The following GAS7 variants were observed in gnomAD, a reference collection of about 807,000 sequenced individuals.
The protein encoded by GAS7 is growth arrest specific 7, also known as growth arrest-specific protein 7.
Under a neutral mutation model 71.1 loss-of-function variants are expected in GAS7, and 28 were observed. That is an observed-to-expected ratio of 0.39 (90% CI 0.29 to 0.54). The LOEUF (loss-of-function observed/expected upper bound fraction) is 0.54, where lower values mean the gene tolerates loss of function less well. Among genes scored for constraint, GAS7 ranks in the 20% least tolerant of loss-of-function variants. The probability of loss-of-function intolerance (pLI) is 0.62; values close to 1 mark genes in which losing one functional copy is unlikely to be tolerated. For synonymous variants in GAS7, 258 were observed against 245.8 expected, an observed-to-expected ratio of 1.05 and a Z score of -0.46; for missense variants, 436 against 627.8, an observed-to-expected ratio of 0.69 and a Z score of 3.27.
chr17:10,063,797 A>G (rs1267544279), intron 1 of GAS7, among the ~76,000 whole-genome samples: 1 of 151,916 alleles, frequency 6.6e-6, no homozygotes, highest in Admixed American at 6.6e-5. Flanking sequence ...ACCCTGGGTC[A>G]CCCTCCCTGG....
intron 1 of GAS7, among the ~76,000 whole-genome samples, chr17:10,025,837 T>C (rs941171023): frequency 3.9e-5 from 6 of 152,122 alleles, no homozygotes; most frequent in African/African-American, 1.4e-4. Context: ...AGGCAGCAAC[T>C]GAGAAAAAAC....
intron 1 of GAS7, among the ~76,000 whole-genome samples, chr17:10,160,936 C>CCACA (rs1047217599): frequency 2.9e-4 from 27 of 93,658 alleles, no homozygotes; most frequent in African/African-American, 1.1e-3. Flanking sequence ...GAAATTGAAA[C>CCACA]CATACACACA....
chr17:10,158,612 T>C (rs559781570), intron 1 of GAS7, among the ~76,000 whole-genome samples: 2 of 152,068 alleles, frequency 1.3e-5, no homozygotes, highest in South Asian at 2.1e-4. Flanking sequence ...AAAAATACGA[T>C]TGATGGAAGG....
chr17:10,084,304 T>C (rs1329027496), intron 1 of GAS7, among the ~76,000 whole-genome samples: 2 of 152,164 alleles, frequency 1.3e-5, no homozygotes, highest in Admixed American at 1.3e-4. Flanking sequence ...TTCCCAGTGG[T>C]AGAGTTGTCT....
intron 1 of GAS7, chr17:10,036,657 C>A: frequency 7.0e-7 from 1 of 1,427,144 alleles, no homozygotes. Context: ...TCACAAAGAA[C>A]CCACTACATT....
chr17:10,177,469 C>T (rs570565864), intron 1 of GAS7, among the ~76,000 whole-genome samples: 1 of 152,022 alleles, frequency 6.6e-6, no homozygotes, highest in South Asian at 2.1e-4. Context: ...GCTGCTGACG[C>T]CATGTGTGGG....
At chr17:10,033,570 C>T (rs2072674696) in intron 1 of GAS7, among the ~76,000 whole-genome samples, 1 of 152,180 alleles carries the variant, frequency 6.6e-6, no homozygotes, top group African/African-American at 2.4e-5. Flanking sequence ...GCAAAGCAGC[C>T]CGCTCACCAG....
At chr17:10,017,475 C>T (rs754019464) in intron 2 of GAS7, among the ~76,000 whole-genome samples, 26 of 152,014 alleles carry the variant, frequency 1.7e-4, no homozygotes, top group East Asian at 5.8e-4. Context: ...ACTACAGGCG[C>T]CCGCCACCAC....
chr17:9,975,473 G>C (rs3893089), intron 3 of GAS7, among the ~76,000 whole-genome samples: 68,263 of 148,732 alleles, frequency 0.46, 17,178 homozygotes, highest in African/African-American at 0.67. Context: ...CCTTCCCTTC[G>C]GGCTTCTTTT....
intron 1 of GAS7, among the ~76,000 whole-genome samples, chr17:10,086,111 G>A (rs546021951): frequency 8.7e-4 from 133 of 152,364 alleles, no homozygotes; most frequent in African/African-American, 3.1e-3. Context: ...GAATGGGGGC[G>A]CAGAGGGTGG....
chr17:9,950,451 G>A (rs2068959403), intron 5 of GAS7, among the ~76,000 whole-genome samples: 1 of 152,192 alleles, frequency 6.6e-6, no homozygotes, highest in South Asian at 2.1e-4. Flanking sequence ...GGTTGAGGCT[G>A]CAGTGAGCTA....
At chr17:10,146,100 T>C (rs2074119001) in intron 1 of GAS7, among the ~76,000 whole-genome samples, 1 of 152,080 alleles carries the variant, frequency 6.6e-6, no homozygotes, top group African/African-American at 2.4e-5. Flanking sequence ...AGAGGAAGCA[T>C]CTGGTTCTCC....
intron 5 of GAS7, among the ~76,000 whole-genome samples, chr17:9,954,222 G>A (rs759469310): frequency 3.9e-5 from 6 of 152,176 alleles, no homozygotes; most frequent in African/African-American, 7.2e-5. Flanking sequence ...GAGCTTCTGG[G>A]AGGCAGCCCT....
chr17:10,198,095 C>T (rs1024331917), intron 1 of GAS7, 113 bp downstream of exon 1: 18 of 1,013,316 alleles, frequency 1.8e-5, no homozygotes, highest in Non-Finnish European at 2.6e-5. Context: ...GGGCTGCCCC[C>T]CGGGGCGCCC....
At chr17:10,072,306 G>A (rs939434558) in intron 1 of GAS7, among the ~76,000 whole-genome samples, 9 of 152,158 alleles carry the variant, frequency 5.9e-5, no homozygotes, top group Non-Finnish European at 1.3e-4. Context: ...GGAAAGACTG[G>A]GGCCCCAGAA....
intron 2 of GAS7, among the ~76,000 whole-genome samples, chr17:9,983,655 G>A (rs371993942): frequency 6.6e-6 from 1 of 151,714 alleles, no homozygotes; most frequent in Non-Finnish European, 1.5e-5. Flanking sequence ...GGGCGCGATG[G>A]TGTGTGCCTG....
At chr17:10,184,939 T>C (rs79074424) in intron 1 of GAS7, among the ~76,000 whole-genome samples, 3 of 151,658 alleles carry the variant, frequency 2.0e-5, no homozygotes, top group African/African-American at 7.3e-5. Flanking sequence ...TTTTTTTTTT[T>C]TTTGAGACGG....
intron 4 of GAS7, among the ~76,000 whole-genome samples, chr17:9,966,061 C>T (rs1322141321): frequency 2.1e-5 from 3 of 140,180 alleles, no homozygotes; most frequent in African/African-American, 8.2e-5. Flanking sequence ...TGCAGTGGTG[C>T]AATCTCGGCT....
At chr17:10,121,646 C>A (rs1419697065) in intron 1 of GAS7, among the ~76,000 whole-genome samples, 1 of 152,156 alleles carries the variant, frequency 6.6e-6, no homozygotes, top group East Asian at 1.9e-4. Context: ...TTAAATGCTC[C>A]TGAATCGACA....
Sources: gnomAD v4.1 joint callset for allele counts (sites outside exome capture counted in the v4.1 genomes callset) on GRCh38, gnomAD v4.1.1 for gene constraint, MANE v1.5 for transcripts, NCBI Gene and HGNC (gene_info 2026-07-23, HGNC 2026-07-21) for gene names.